Variants in GRIN2B observed in about 807,000 individuals in gnomAD.
The protein encoded by GRIN2B is glutamate receptor ionotropic, NMDA 2B.
A neutral mutation model predicts 114.5 loss-of-function variants in GRIN2B; 5 were observed. The ratio of observed to expected loss-of-function variants is 0.04; its 90% CI spans 0.02 to 0.09. The LOEUF (loss-of-function observed/expected upper bound fraction) is 0.09. Ranked by LOEUF, GRIN2B falls within the 10% of genes least tolerant of loss-of-function variation. The pLI, the probability that GRIN2B is intolerant of heterozygous loss-of-function variation, is 1.00. For missense variants in GRIN2B, 1,108 were observed against 1,943.5 expected (o/e 0.57, Z 8.08); for synonymous variants, 787 against 745.1 (o/e 1.06, Z -0.92).
intron 10 of GRIN2B, among the ~76,000 whole-genome samples, chr12:13,597,131 G>A (rs1417698135): frequency 1.3e-5 from 2 of 152,148 alleles, no homozygotes; most frequent in South Asian, 2.1e-4. Context: ...TCTGTAAAAC[G>A]ATGTTAATAA....
intron 3 of GRIN2B, among the ~76,000 whole-genome samples, chr12:13,800,747 C>T (rs1378935058): frequency 6.6e-6 from 1 of 152,146 alleles, no homozygotes; most frequent in East Asian, 1.9e-4. Context: ...CAGGCTAACA[C>T]ATTTACTATG....
At chr12:13,739,435 G>T (rs1342742104) in intron 4 of GRIN2B, among the ~76,000 whole-genome samples, 3 of 139,052 alleles carry the variant, frequency 2.2e-5, no homozygotes, top group African/African-American at 5.3e-5. Flanking sequence ...AACTTCTGAT[G>T]ATCCTAACCA....
In GRIN2B at chr12:13,547,959, G is replaced by GTGTGTGTATATATATA. The variant is rs796607856; in HGVS notation, c.*14823_*14824insTATATATATACACACA. ...TATGTATGTATGTATGTATGTGTGT[G>GTGTGTGTATATATATA]TATATATATATATATATATATATTT... On this transcript the variant is annotated 3_prime_UTR_variant, in exon 14 of 14. Transcript: ENST00000609686. 1.1e-5 allele frequency: 1 copy of GTGTGTGTATATATATA among 91,474 alleles called. No individual in the cohort carries two copies. Among genetic ancestry groups the GTGTGTGTATATATATA allele is most frequent in the East Asian group, 3.7e-4 (1 of 2,722 alleles). The allele number at this position is 91,474 out of a possible 1,614,324, so 5.7% of individuals were successfully genotyped here. A position where few individuals can be genotyped will look rare whatever the true frequency, so the allele number is the denominator to read the frequency against.
At chr12:13,638,562 C>T (rs548971318) in intron 5 of GRIN2B, among the ~76,000 whole-genome samples, 3 of 152,058 alleles carry the variant, frequency 2.0e-5, no homozygotes, top group Non-Finnish European at 4.4e-5. Flanking sequence ...TTCAGTTTTC[C>T]ATCTGGTACT....
At chr12:13,579,248 G>A (rs1385389509) in intron 10 of GRIN2B, among the ~76,000 whole-genome samples, 1 of 152,202 alleles carries the variant, frequency 6.6e-6, no homozygotes, top group Admixed American at 6.5e-5. Context: ...CACAGCTGAA[G>A]AAGGAAGCAG....
chr12:13,785,612 A>T (rs1211150613), intron 3 of GRIN2B, among the ~76,000 whole-genome samples: 1 of 152,218 alleles, frequency 6.6e-6, no homozygotes, highest in East Asian at 1.9e-4. Flanking sequence ...CTAAAAAGGT[A>T]TCCTAATTCT....
intron 3 of GRIN2B, among the ~76,000 whole-genome samples, chr12:13,782,418 C>G (rs1479828062): frequency 6.6e-6 from 1 of 152,178 alleles, no homozygotes; most frequent in Non-Finnish European, 1.5e-5. Flanking sequence ...AAATCTTCCT[C>G]TTTAATATCC....
At chr12:13,955,219 G>A (rs1258788776) in intron 2 of GRIN2B, among the ~76,000 whole-genome samples, 2 of 152,128 alleles carry the variant, frequency 1.3e-5, no homozygotes, top group Non-Finnish European at 2.9e-5. Context: ...TATTATTTGA[G>A]GCAAATGGGT....
At chr12:13,739,374 C>CAAAAAAAAAAA (rs34320563) in intron 4 of GRIN2B, among the ~76,000 whole-genome samples, 3 of 59,364 alleles carry the variant, frequency 5.1e-5, no homozygotes, top group Non-Finnish European at 8.4e-5. Flanking sequence ...AACTCCGTCT[C>CAAAAAAAAAAA]AAAAAAAAAA....
At chr12:13,712,922 T>C (rs1264035773) in intron 4 of GRIN2B, among the ~76,000 whole-genome samples, 3 of 151,868 alleles carry the variant, frequency 2.0e-5, no homozygotes, top group African/African-American at 7.2e-5. Flanking sequence ...AAATGTTTCT[T>C]GATCTCAATT....
chr12:13,832,347 TTCC>T (rs1470149468), intron 3 of GRIN2B, among the ~76,000 whole-genome samples: 5 of 152,182 alleles, frequency 3.3e-5, no homozygotes, highest in South Asian at 2.1e-4. Flanking sequence ...CAAACATGTA[TTCC>T]TCCTCATCTC....
At chr12:13,567,981 G>C (rs1423626123) in intron 12 of GRIN2B, among the ~76,000 whole-genome samples, 1 of 151,978 alleles carries the variant, frequency 6.6e-6, no homozygotes, top group African/African-American at 2.4e-5. Flanking sequence ...TGGGTAGGGA[G>C]AAGACAAGCA....
At chr12:13,740,464 C>A (rs1863260964) in intron 4 of GRIN2B, among the ~76,000 whole-genome samples, 1 of 151,530 alleles carries the variant, frequency 6.6e-6, no homozygotes, top group Admixed American at 6.6e-5. Context: ...CCCACATGTC[C>A]CGTTTCTTTC....
chr12:13,832,137 A>G (rs1350888799), intron 3 of GRIN2B, among the ~76,000 whole-genome samples: 1 of 152,222 alleles, frequency 6.6e-6, no homozygotes, highest in Non-Finnish European at 1.5e-5. Flanking sequence ...ATGAAAATTT[A>G]GCAACTTTCT....
rs768538343 is a variant in GRIN2B at position 13,567,306 on chromosome 12, CAGGAAAGGAGCAG to C, written c.2360-56_2360-44del. Reference sequence around the variant, plus strand: ...AAGGAAAATGGATAAAAAGAGGAGACAGGAAAGGAGCAGAGAAAAGGGAGAAAGAGGAGTATTG... The same window carrying C: ...AAGGAAAATGGATAAAAAGAGGAGACAGAAAAGGGAGAAAGAGGAGTATTG... On this transcript the variant is annotated intron_variant, in intron 12 of 13. Coordinates refer to ENST00000609686, the MANE Select transcript of GRIN2B (RefSeq NM_000834.5). The C allele has an allele frequency of 3.3e-4, 470 of 1,410,594 alleles. 1 individual carries two copies. The highest frequency in any genetic ancestry group is 4.3e-4 in the Non-Finnish European group (430 of 997,328). The allele number at this position is 1,410,594 out of a possible 1,614,324, so 87.4% of individuals were successfully genotyped here. A position where few individuals can be genotyped will look rare whatever the true frequency, so the allele number is the denominator to read the frequency against.
chr12:13,965,059 A>AC, intron 2 of GRIN2B, among the ~76,000 whole-genome samples: 1 of 152,086 alleles, frequency 6.6e-6, no homozygotes, highest in East Asian at 1.9e-4. Flanking sequence ...TATTTAACCC[A>AC]CCCCATTTTC....
intron 5 of GRIN2B, among the ~76,000 whole-genome samples, chr12:13,625,027 G>T (rs549120694): frequency 6.6e-6 from 1 of 152,252 alleles, no homozygotes; most frequent in Admixed American, 6.5e-5. Context: ...TAACACCACG[G>T]GTGGAGATGT....
chr12:13,945,146 C>T lies in GRIN2B; in HGVS notation c.-19+34782G>A, dbSNP rs552484892. On this transcript the variant is annotated intron_variant, in intron 2 of 13. Coordinates refer to ENST00000609686, the MANE Select transcript of GRIN2B (RefSeq NM_000834.5). ...TAAATAGGGGCTAAAAGTTCAGGGT[C>T]TAAACAAATTGTGGCAGGCCAAAAA... Among the ~76,000 whole-genome samples the T allele has an allele frequency of 2.6e-5, 4 of 152,230 alleles. No individual in the cohort carries two copies. In the East Asian group the frequency reaches 7.7e-4, roughly 29 times the overall value.
chr12:13,962,032 T>C (rs763325127), intron 2 of GRIN2B, among the ~76,000 whole-genome samples: 24 of 151,966 alleles, frequency 1.6e-4, no homozygotes, highest in Non-Finnish European at 3.1e-4. Flanking sequence ...AAAGTTCTTA[T>C]ACCCTGTGAA....
Sources: gnomAD v4.1 joint callset for allele counts (sites outside exome capture counted in the v4.1 genomes callset) on GRCh38, gnomAD v4.1.1 for gene constraint, MANE v1.5 for transcripts, NCBI Gene and HGNC (gene_info 2026-07-23, HGNC 2026-07-21) for gene names.